ANKS1B: variants seen among roughly 807,000 people sequenced by gnomAD.
ANKS1B encodes the protein ankyrin repeat and sterile alpha motif domain-containing protein 1B.
Under a neutral mutation model 148.3 loss-of-function variants are expected in ANKS1B, and 36 were observed. That is an observed-to-expected ratio of 0.24 (90% CI 0.19 to 0.32). The LOEUF (loss-of-function observed/expected upper bound fraction) is 0.32. Among genes scored for constraint, ANKS1B ranks in the 10% least tolerant of loss-of-function variants. The pLI is 1.00. For synonymous variants in ANKS1B, 542 were observed against 560.8 expected (o/e 0.97, Z 0.47); for missense variants, 1,157 against 1,542.6 (o/e 0.75, Z 4.19).
intron 8 of ANKS1B, among the ~76,000 whole-genome samples, chr12:99,728,014 C>A (rs920787095): frequency 8.5e-5 from 13 of 152,100 alleles, no homozygotes; most frequent in Non-Finnish European, 1.8e-4. Flanking sequence ...ATGTAAAACC[C>A]AAAACCATAA....
chr12:98,757,939 T>TGTGTGTTTGTGTGTGTGCAC (rs2098296261), intron 25 of ANKS1B, among the ~76,000 whole-genome samples: 2 of 115,952 alleles, frequency 1.7e-5, no homozygotes, highest in South Asian at 6.2e-4. Flanking sequence ...TGTGTGCACG[T>TGTGTGTTTGTGTGTGTGCAC]GTGTGTGTGT....
intron 1 of ANKS1B, among the ~76,000 whole-genome samples, chr12:99,923,962 G>C (rs71462296): frequency 0.12 from 18,170 of 152,098 alleles, 1,447 homozygotes; most frequent in Middle Eastern, 0.18. Flanking sequence ...GTTCATCACA[G>C]ACTTTTTGCA....
intron 15 of ANKS1B, among the ~76,000 whole-genome samples, chr12:99,113,748 T>C (rs543760393): frequency 6.6e-6 from 1 of 152,260 alleles, no homozygotes; most frequent in South Asian, 2.1e-4. Context: ...TTGACTGAAC[T>C]TCCTCTCTTT....
At chr12:99,800,027 T>G (rs925406414) in intron 4 of ANKS1B, among the ~76,000 whole-genome samples, 4 of 152,220 alleles carry the variant, frequency 2.6e-5, no homozygotes, top group Middle Eastern at 3.4e-3. Flanking sequence ...GAAAATAGAC[T>G]GAAGGGAATA....
At chr12:98,875,269 C>G (rs2099685428) in intron 17 of ANKS1B, among the ~76,000 whole-genome samples, 1 of 152,164 alleles carries the variant, frequency 6.6e-6, no homozygotes, top group South Asian at 2.1e-4. Context: ...ATTGCAGTAT[C>G]ACATCTGCTC....
At chr12:99,693,395 T>C (rs2053418464) in intron 8 of ANKS1B, among the ~76,000 whole-genome samples, 1 of 152,124 alleles carries the variant, frequency 6.6e-6, no homozygotes, top group Non-Finnish European at 1.5e-5. Flanking sequence ...ATAATGACAG[T>C]AGATATCTCT....
intron 8 of ANKS1B, among the ~76,000 whole-genome samples, chr12:99,704,487 C>T (rs1049717891): frequency 2.0e-5 from 3 of 152,104 alleles, no homozygotes; most frequent in Non-Finnish European, 4.4e-5. Context: ...TATTAGACTA[C>T]ATCTAGAAAT....
At position 98,744,698 on chromosome 12, in the gene ANKS1B, A is replaced by AT. The variant is rs1301866921; in HGVS notation, c.*1040dup. On this transcript the variant is annotated 3_prime_UTR_variant, in exon 27 of 27. Coordinates refer to ENST00000683438, the MANE Select transcript of ANKS1B (RefSeq NM_001352186.2). The stretch of plus-strand genomic sequence containing the variant: ...TTTCTTCTTTTTTTTTTTTGTATTT[A>AT]TTTTTTCTAGAAAAAGAAATTTTTG... 14 of 949,174 alleles carry AT rather than the reference A, an allele frequency of 1.5e-5. No individual in the cohort carries two copies. Among genetic ancestry groups the AT allele is most frequent in the Middle Eastern group, 1.1e-3 (2 of 1,822 alleles). 58.8% of individuals were successfully genotyped at this position (949,174 alleles called of 1,614,324 possible). A position where few individuals can be genotyped will look rare whatever the true frequency, so the allele number is the denominator to read the frequency against.
intron 17 of ANKS1B, among the ~76,000 whole-genome samples, chr12:98,899,947 A>G (rs749759055): frequency 3.3e-5 from 5 of 152,234 alleles, no homozygotes; most frequent in Non-Finnish European, 7.3e-5. Context: ...TAGTAACCTC[A>G]ACCAGGAAGG....
chr12:98,991,795 C>T (rs747609278), intron 17 of ANKS1B, among the ~76,000 whole-genome samples: 3 of 152,110 alleles, frequency 2.0e-5, no homozygotes, highest in Non-Finnish European at 4.4e-5. Flanking sequence ...CTGATTCCAG[C>T]GCTTAAACTC....
intron 14 of ANKS1B, among the ~76,000 whole-genome samples, chr12:99,184,288 T>TTAAAGAAGTTATTG (rs2079510896): frequency 6.6e-6 from 1 of 152,190 alleles, no homozygotes; most frequent in South Asian, 2.1e-4. Context: ...TATTGAGCCA[T>TTAAAGAAGTTATTG]AGACTATTAA....
At chr12:98,781,030 G>A in intron 24 of ANKS1B, 87 bp downstream of exon 24, 2 of 776,532 alleles carry the variant, frequency 2.6e-6, no homozygotes, top group Non-Finnish European at 4.2e-6. Flanking sequence ...AGTGGGGAGT[G>A]CTGGGTATTA....
At position 99,180,541 on chromosome 12, in the gene ANKS1B, A is replaced by G. The variant is rs149353666; in HGVS notation, c.2420-26146T>C. The stretch of plus-strand genomic sequence containing the variant: ...ACTGTTGGAGGTTTGTTTCTTAGGT[A>G]ATCAAGGCTGATCACTGGATTTCTT... On this transcript the variant is annotated intron_variant, in intron 14 of 26. Coordinates refer to ENST00000683438, the MANE Select transcript of ANKS1B (RefSeq NM_001352186.2). Among the ~76,000 whole-genome samples, 1,016 of 152,172 alleles carry G rather than the reference A, an allele frequency of 6.7e-3. 19 individuals carry two copies. The highest frequency in any genetic ancestry group is 0.023 in the African/African-American group (951 of 41,512).
chr12:99,020,781 TGTTA>T (rs762211684), intron 17 of ANKS1B, among the ~76,000 whole-genome samples: 4 of 152,160 alleles, frequency 2.6e-5, no homozygotes, highest in Non-Finnish European at 4.4e-5. Context: ...GATTTGTTCT[TGTTA>T]ATTAGCAGGT....
At chr12:99,156,224 T>A (rs2076036993) in intron 14 of ANKS1B, among the ~76,000 whole-genome samples, 1 of 152,168 alleles carries the variant, frequency 6.6e-6, no homozygotes, top group Non-Finnish European at 1.5e-5. Context: ...CTCTTCCCAG[T>A]GTGATCCATT....
intron 12 of ANKS1B, among the ~76,000 whole-genome samples, chr12:99,345,307 TCAAGAA>T (rs2090513706): frequency 6.6e-6 from 1 of 151,978 alleles, no homozygotes; most frequent in Non-Finnish European, 1.5e-5. Context: ...TGATAGACAC[TCAAGAA>T]TGAGAGAAAA....
At position 99,418,556 on chromosome 12, in the gene ANKS1B, C is replaced by T. The variant is rs1444469442; in HGVS notation, c.1576-18745G>A. 3.9e-5 allele frequency among the ~76,000 whole-genome samples: 6 copies of T among 152,014 alleles called. No individual in the cohort carries two copies. The East Asian group carries it at 7.7e-4, about 20-fold the overall frequency. ...TTTTGTTTTGTTTTTTAGCTTGCTT[C>T]GGATTTCTACGAAGACAATCATGTC... is the stretch of plus-strand genomic sequence containing the variant. On this transcript the variant is annotated intron_variant, in intron 11 of 26. Coordinates refer to ENST00000683438, the MANE Select transcript of ANKS1B (RefSeq NM_001352186.2).
chr12:99,249,633 C>T (rs555963024), intron 12 of ANKS1B, among the ~76,000 whole-genome samples: 1 of 152,184 alleles, frequency 6.6e-6, no homozygotes, highest in African/African-American at 2.4e-5. Context: ...TATGAAGCCT[C>T]CTGGAAAGCC....
chr12:99,968,314 T>C (rs560958021), intron 1 of ANKS1B, among the ~76,000 whole-genome samples: 141 of 152,222 alleles, frequency 9.3e-4, no homozygotes, highest in African/African-American at 3.2e-3. Context: ...TCCCAGCACT[T>C]TGGGAGGCCG....
Sources: gnomAD v4.1 joint callset for allele counts (sites outside exome capture counted in the v4.1 genomes callset) on GRCh38, gnomAD v4.1.1 for gene constraint, MANE v1.5 for transcripts, NCBI Gene and HGNC (gene_info 2026-07-23, HGNC 2026-07-21) for gene names.